Variants in PAK3 observed in about 807,000 individuals in gnomAD.
PAK3 encodes the protein serine/threonine-protein kinase PAK 3.
Under a neutral mutation model 41.0 loss-of-function variants are expected in PAK3, and 4 were observed. The observed-to-expected ratio is 0.10, with a 90% CI of 0.05 to 0.22. PAK3 has a LOEUF of 0.22. Among genes scored for constraint, PAK3 ranks in the 10% least tolerant of loss-of-function variants. PAK3 has a pLI of 1.00. For synonymous variants in PAK3, 146 were observed against 139.6 expected (o/e 1.05, Z -0.32); for missense variants, 205 against 409.9 (o/e 0.50, Z 4.32).
At chrX:111,180,737 C>T (rs2094454279) in intron 11 of PAK3, among the ~76,000 whole-genome samples, 1 of 111,433 alleles carries the variant, frequency 9.0e-6, no homozygotes, top group East Asian at 2.8e-4. Context: ...TATGCTTGTA[C>T]CTCATACTTT....
At chrX:111,075,417 C>T (rs2092776663) in intron 1 of PAK3, among the ~76,000 whole-genome samples, 1 of 112,722 alleles carries the variant, frequency 8.9e-6, no homozygotes, top group Non-Finnish European at 1.9e-5. Flanking sequence ...TCAAAGGGCC[C>T]TAGATACAGC....
chrX:111,061,998 T>G (rs2148810246), intron 1 of PAK3, among the ~76,000 whole-genome samples: 2 of 110,744 alleles, frequency 1.8e-5, no homozygotes, highest in South Asian at 7.8e-4. Context: ...AAATTTTTTT[T>G]GTAGAGACAG....
chrX:110,961,207 T>A (rs748102963), intron 1 of PAK3, among the ~76,000 whole-genome samples: 1 of 111,520 alleles, frequency 9.0e-6, no homozygotes, highest in African/African-American at 3.3e-5. Flanking sequence ...AGCAACCAGA[T>A]TGAGAACCTG....
At chrX:111,067,393 G>A (rs752848705) in intron 1 of PAK3, among the ~76,000 whole-genome samples, 1 of 110,972 alleles carries the variant, frequency 9.0e-6, no homozygotes, top group Non-Finnish European at 1.9e-5. Context: ...CTCATTTTTT[G>A]TGGATGAGAA....
intron 1 of PAK3, among the ~76,000 whole-genome samples, chrX:110,995,042 T>C (rs1267119674): frequency 8.9e-6 from 1 of 111,821 alleles, no homozygotes; most frequent in Non-Finnish European, 1.9e-5. Context: ...TTTGGATACT[T>C]ATCTTACTCT....
Position 111,023,063 on chromosome X carries a change from C to T in PAK3, c.-28+78435C>T, listed in dbSNP as rs2092213050. The stretch of plus-strand genomic sequence containing the variant: ...CCCAGGCCCCCACTCACTGACAGGC[C>T]CCAGTGTGTGATGTTCCCCTCTCTG... On this transcript the variant is annotated intron_variant, in intron 1 of 14. Coordinates refer to the PAK3 transcript ENST00000425146. Among the ~76,000 whole-genome samples the T allele has an allele frequency of 2.7e-5, 3 of 110,507 alleles. No individual in the cohort carries two copies. In the South Asian group the frequency reaches 1.2e-3, roughly 44 times the overall value.
At chrX:111,168,738 T>C (rs545808510) in intron 10 of PAK3, among the ~76,000 whole-genome samples, 81 of 112,078 alleles carry the variant, frequency 7.2e-4, no homozygotes, top group African/African-American at 2.5e-3. Flanking sequence ...GAATGGGTCA[T>C]AATTCAGAAA....
At chrX:111,081,130 A>G (rs551670499) in intron 1 of PAK3, among the ~76,000 whole-genome samples, 2 of 111,977 alleles carry the variant, frequency 1.8e-5, no homozygotes, top group South Asian at 7.5e-4. Context: ...TCAGTTAGAT[A>G]GGAGAAATAA....
intron 10 of PAK3, among the ~76,000 whole-genome samples, chrX:111,171,727 A>G (rs1174410216): frequency 9.0e-6 from 1 of 111,693 alleles, no homozygotes; most frequent in Non-Finnish European, 1.9e-5. Context: ...GATGGGGAGT[A>G]ACTGCTAACA....
intron 1 of PAK3, among the ~76,000 whole-genome samples, chrX:111,061,041 T>C (rs776640302): frequency 2.7e-5 from 3 of 111,769 alleles, no homozygotes; most frequent in Admixed American, 9.5e-5. Flanking sequence ...TTGCCTATCT[T>C]GCTATTGTGT....
intron 1 of PAK3, among the ~76,000 whole-genome samples, chrX:110,952,367 A>C (rs1246362460): frequency 3.6e-5 from 4 of 111,484 alleles, no homozygotes; most frequent in Non-Finnish European, 7.5e-5. Flanking sequence ...TGGTGATGAT[A>C]GTTGTTGCTT....
At chrX:111,052,235 A>G (rs1454738676) in intron 1 of PAK3, among the ~76,000 whole-genome samples, 1 of 112,689 alleles carries the variant, frequency 8.9e-6, no homozygotes, top group African/African-American at 3.2e-5. Flanking sequence ...GCAAGCATTG[A>G]AGAAGCAGGC....
intron 4 of PAK3, among the ~76,000 whole-genome samples, chrX:111,116,853 G>A (rs1046015805): frequency 2.7e-5 from 3 of 112,292 alleles, no homozygotes; most frequent in African/African-American, 9.7e-5. Flanking sequence ...AAACTAGGTG[G>A]CTGTAAAAAG....
intron 1 of PAK3, among the ~76,000 whole-genome samples, chrX:110,945,052 G>C (rs1331917678): frequency 1.8e-5 from 2 of 112,418 alleles, no homozygotes; most frequent in Non-Finnish European, 3.8e-5. Context: ...TCCAGCTCCA[G>C]GCTAGGCTGC....
intron 8 of PAK3, among the ~76,000 whole-genome samples, chrX:111,160,598 T>C (rs1053866807): frequency 2.7e-5 from 3 of 109,226 alleles, no homozygotes; most frequent in Non-Finnish European, 5.7e-5. Context: ...GTATATCACC[T>C]AATGCTATCC....
rs367635727 is a variant in PAK3, at chrX:111,088,173, G to A, written c.-27-34904G>A. The stretch of plus-strand genomic sequence containing the variant: ...AGGTGGTTCCTTGTGCAGCCAAATC[G>A]AGAACCACTACCCTAATGCTTTCCC... On this transcript the variant is annotated intron_variant, in intron 1 of 14. Coordinates refer to the PAK3 transcript ENST00000425146. 7.0e-4 allele frequency among the ~76,000 whole-genome samples: 78 copies of A among 111,382 alleles called. 1 individual carries two copies. The South Asian group carries it at 0.026, about 37-fold the overall frequency.
intron 17 of PAK3, among the ~76,000 whole-genome samples, chrX:111,219,190 AAATAATAATAATAAT>A (rs3062744): frequency 0.016 from 1,376 of 84,377 alleles, 34 homozygotes; most frequent in African/African-American, 0.05. Flanking sequence ...AGTCCATCTC[AAATAATAATAATAAT>A]AATAATAATA....
chrX:111,096,837 G>A (rs1304009027), intron 1 of PAK3: 1 of 83,694 alleles, frequency 1.2e-5, no homozygotes, highest in African/African-American at 4.7e-5. Flanking sequence ...GCCACGGTCT[G>A]GCCAAGTCCG....
chrX:111,210,814 G>T (rs2094811568), intron 16 of PAK3, among the ~76,000 whole-genome samples: 1 of 111,410 alleles, frequency 9.0e-6, no homozygotes, highest in Admixed American at 9.6e-5. Context: ...TATAAACCAA[G>T]AACTCTCAGA....
Sources: gnomAD v4.1 joint callset for allele counts (sites outside exome capture counted in the v4.1 genomes callset) on GRCh38, gnomAD v4.1.1 for gene constraint, MANE v1.5 for transcripts, NCBI Gene and HGNC (gene_info 2026-07-23, HGNC 2026-07-21) for gene names.